Variants in MACF1 observed in about 807,000 individuals in gnomAD.
MACF1 encodes microtubule-actin cross-linking factor 1.
A neutral mutation model predicts 854.8 loss-of-function variants in MACF1; 193 were observed. The observed-to-expected ratio is 0.23, with a 90% CI of 0.20 to 0.25. The LOEUF (loss-of-function observed/expected upper bound fraction) is 0.25. Among genes scored for constraint, MACF1 ranks in the 10% least tolerant of loss-of-function variants. MACF1 has a pLI of 1.00. For missense variants in MACF1, 7,722 were observed against 8,929.1 expected, an observed-to-expected ratio of 0.86 and a Z score of 5.45; for synonymous variants, 3,185 against 3,226.7, an observed-to-expected ratio of 0.99 and a Z score of 0.44.
chr1:39,273,646 TG>T (rs1336811434), intron 6 of MACF1, among the ~76,000 whole-genome samples: 1 of 152,010 alleles, frequency 6.6e-6, no homozygotes, highest in African/African-American at 2.4e-5. Flanking sequence ...TCACCCAGGC[TG>T]GAATGCGGTG....
intron 2 of MACF1, among the ~76,000 whole-genome samples, chr1:39,186,747 A>G (rs980709796): frequency 3.3e-5 from 5 of 151,912 alleles, no homozygotes; most frequent in African/African-American, 1.2e-4. Context: ...AGCTTAGACT[A>G]TAGGTGTGTA....
At chr1:39,159,481 G>A (rs1326524571) in intron 2 of MACF1, among the ~76,000 whole-genome samples, 3 of 152,198 alleles carry the variant, frequency 2.0e-5, no homozygotes, top group Non-Finnish European at 4.4e-5. Context: ...AGGGTGGAGG[G>A]AGGAATGCAG....
At chr1:39,284,776 G>A (rs569834990) in intron 11 of MACF1, among the ~76,000 whole-genome samples, 21 of 152,206 alleles carry the variant, frequency 1.4e-4, no homozygotes, top group Non-Finnish European at 2.6e-4. Context: ...AGAATTTGAA[G>A]TTGTAGAAAT....
intron 71 of MACF1, 35 bp downstream of exon 71, chr1:39,438,043 C>T: frequency 6.3e-7 from 1 of 1,581,396 alleles, no homozygotes; most frequent in Non-Finnish European, 8.6e-7. Context: ...TAAAAATCAA[C>T]AGAATAAATT....
intron 35 of MACF1, among the ~76,000 whole-genome samples, chr1:39,326,900 T>G (rs1048508161): frequency 2.0e-5 from 3 of 152,140 alleles, no homozygotes; most frequent in African/African-American, 7.2e-5. Context: ...AATCATATAG[T>G]GGATTCTTGA....
Position 39,427,449 on chromosome 1 carries a change from G to A in MACF1, c.16317-6G>A, listed in dbSNP as rs542644052. 2 of 1,613,296 alleles carry A rather than the reference G, an allele frequency of 1.2e-6. No individual in the cohort carries two copies. The highest frequency in any genetic ancestry group is 1.7e-6 in the Non-Finnish European group (2 of 1,179,612). ...CCTGAGCAGCTTGTTCTATATATTT[G>A]TGTAGGCAAAAACAGCTGGAAGACA... On this transcript the variant is annotated splice_region_variant and splice_polypyrimidine_tract_variant and intron_variant, in intron 61 of 100. Coordinates refer to ENST00000564288, the MANE Select transcript of MACF1 (RefSeq NM_001394062.1).
At chr1:39,342,501 T>C (rs1384273920) in intron 40 of MACF1, among the ~76,000 whole-genome samples, 1 of 151,402 alleles carries the variant, frequency 6.6e-6, no homozygotes, top group African/African-American at 2.4e-5. Flanking sequence ...CTCAGGAGAG[T>C]TTTTGATTGG....
At position 39,283,259 on chromosome 1, in the gene MACF1, G is replaced by A; in HGVS notation, c.766G>A (p.Val256Met). 5 of 1,614,060 alleles carry A rather than the reference G, an allele frequency of 3.1e-6. No individual in the cohort carries two copies. The highest frequency in any genetic ancestry group is 4.2e-6 in the Non-Finnish European group (5 of 1,179,916). ...NRENLEQAFEVAERLGVTRLL... is the reference protein window; with the variant it reads ...NRENLEQAFEMAERLGVTRLL... ...AGAGAATCTGGAACAGGCTTTTGAA[G>A]TGGCAGAAAGACTGGGGGTCACTCG... The change falls in exon 8 of 101, where the codon GTG becomes ATG. Residue 256 changes from valine to methionine, a missense_variant. By Grantham distance (21) the Val-to-Met change is conservative. Around this residue, in one of 15 missense-constraint regions of MACF1, gnomAD observed 108 missense variants for 196.4 expected, o/e 0.55. Coordinates refer to ENST00000564288, the MANE Select transcript of MACF1 (RefSeq NM_001394062.1). The surrounding 1 kb of genome is among the most constrained non-coding windows in gnomAD (Gnocchi z 4.5).
rs1179588510 is a variant in MACF1 at position 39,144,031 on chromosome 1, GC to G, written c.220+59596del. Among the ~76,000 whole-genome samples, 3 of 148,266 alleles carry G rather than the reference GC, an allele frequency of 2.0e-5. No homozygotes were observed. In the Admixed American group the frequency reaches 2.0e-4, roughly 10 times the overall value. ...TCTTGATCTCCTGACCTCGTGATCC[GC>G]CCGCCTCGGCCACCAAGGTGCTGGG... On this transcript the variant is annotated intron_variant, in intron 2 of 93. Coordinates refer to the MACF1 transcript ENST00000361689.
In MACF1 at chr1:39,411,129, A is replaced by G. The variant is rs375761697; in HGVS notation, c.15817-11245A>G. 161 of 1,613,548 alleles carry G rather than the reference A, an allele frequency of 1.0e-4. No individual in the cohort carries two copies. The African/African-American group carries it at 1.4e-3, about 14-fold the overall frequency. Reference sequence around the variant, plus strand: ...ACACAGCCTGCACTGTGGAAATGCCACCTCTCTCCCCTTGCCTGAGTGAAG... The same window carrying G: ...ACACAGCCTGCACTGTGGAAATGCCGCCTCTCTCCCCTTGCCTGAGTGAAG... On this transcript the variant is annotated intron_variant, in intron 58 of 100. Transcript: ENST00000564288.
At chr1:39,350,758 C>T in intron 42 of MACF1, 27 bp from the exon 43 acceptor site, 1 of 1,563,878 alleles carries the variant, frequency 6.4e-7, no homozygotes, top group South Asian at 1.1e-5. Flanking sequence ...GTCGAAGGCT[C>T]TGCCATTCCT....
At chr1:39,193,158 C>G (rs763110820) in intron 2 of MACF1, among the ~76,000 whole-genome samples, 25 of 151,860 alleles carry the variant, frequency 1.6e-4, no homozygotes, top group Non-Finnish European at 3.2e-4. Context: ...AATAACAATC[C>G]TGGGCAAGAT....
At chr1:39,252,965 C>T (rs1428495904) in intron 4 of MACF1, among the ~76,000 whole-genome samples, 1 of 152,190 alleles carries the variant, frequency 6.6e-6, no homozygotes, top group African/African-American at 2.4e-5. Context: ...ATGTTGTTCT[C>T]TGCAGACACC....
chr1:39,284,270 G>C, intron 10 of MACF1, 63 bp from the exon 11 acceptor site: 1 of 1,567,600 alleles, frequency 6.4e-7, no homozygotes, highest in African/African-American at 1.4e-5. Context: ...TCTAGGTGAG[G>C]TGGTATGAAA....
At chr1:39,411,859 G>A (rs1421996104) in intron 58 of MACF1, 1 of 1,613,590 alleles carries the variant, frequency 6.2e-7, no homozygotes, top group Admixed American at 1.7e-5. Flanking sequence ...AAAAGATTAT[G>A]ATACTAGATT....
At chr1:39,368,025 A>C in intron 49 of MACF1, 123 bp from the exon 50 acceptor site, 1 of 530,694 alleles carries the variant, frequency 1.9e-6, no homozygotes, top group Non-Finnish European at 3.2e-6. Context: ...CTTTTCACTG[A>C]GTTGCATATT....
intron 2 of MACF1, among the ~76,000 whole-genome samples, chr1:39,148,556 A>G (rs553793097): frequency 7.9e-5 from 12 of 152,344 alleles, no homozygotes; most frequent in African/African-American, 2.9e-4. Flanking sequence ...ATTTGGAAAA[A>G]AACAGTTTGT....
rs1320102956 is a variant in MACF1 at position 39,190,369 on chromosome 1, TTG to T, written c.221-40791_221-40790del. Among the ~76,000 whole-genome samples the T allele has an allele frequency of 7.5e-4, 94 of 125,532 alleles. No homozygotes were observed. In the South Asian group the frequency reaches 0.011, roughly 14 times the overall value. The allele number at this position is 125,532 out of a possible 152,430, so 82.4% of individuals were successfully genotyped here. On this transcript the variant is annotated intron_variant, in intron 2 of 93. Coordinates refer to the MACF1 transcript ENST00000361689. ...CTTTTCTTTCTTTCTTTCTCTTCTT[TTG>T]TGTGTGTGTGTGTGTGTGTGTTTGT...
intron 2 of MACF1, among the ~76,000 whole-genome samples, chr1:39,106,710 C>T (rs1642249289): frequency 6.6e-6 from 1 of 151,958 alleles, no homozygotes; most frequent in South Asian, 2.1e-4. Flanking sequence ...AACTTCAGCC[C>T]CTATGACTGA....
Sources: gnomAD v4.1 joint callset for allele counts (sites outside exome capture counted in the v4.1 genomes callset) on GRCh38, gnomAD v4.1.1 for gene constraint, gnomAD v4.1.1 regional missense constraint, Gnocchi (gnomAD v3.1) non-coding constraint, MANE v1.5 for transcripts, NCBI Gene and HGNC (gene_info 2026-07-23, HGNC 2026-07-21) for gene names.